PBRM1: variants seen among roughly 807,000 people sequenced by gnomAD.
The protein encoded by PBRM1 is polybromo 1.
In PBRM1, 27 loss-of-function variants were observed where a neutral mutation model predicts 194.5. The ratio of observed to expected loss-of-function variants is 0.14; its 90% CI spans 0.10 to 0.19. PBRM1 has a LOEUF of 0.19. Among genes scored for constraint, PBRM1 ranks in the 10% least tolerant of loss-of-function variants. The pLI is 1.00. For missense variants in PBRM1, 1,466 were observed against 2,077.2 expected, an observed-to-expected ratio of 0.71 and a Z score of 5.72; for synonymous variants, 655 against 693.2, an observed-to-expected ratio of 0.94 and a Z score of 0.87.
chr3:52,601,988 C>T (rs887328933), intron 17 of PBRM1, among the ~76,000 whole-genome samples: 4 of 152,206 alleles, frequency 2.6e-5, no homozygotes, highest in Non-Finnish European at 5.9e-5. Flanking sequence ...CCTGACCCCA[C>T]ATGCTGGGAA....
intron 3 of PBRM1, among the ~76,000 whole-genome samples, chr3:52,667,207 G>C (rs2096857085): frequency 6.6e-6 from 1 of 152,014 alleles, no homozygotes; most frequent in Non-Finnish European, 1.5e-5. Context: ...AAAACTTTAA[G>C]AAAAGCATAC....
intron 5 of PBRM1, among the ~76,000 whole-genome samples, chr3:52,652,152 G>A (rs915524265): frequency 6.6e-6 from 1 of 152,190 alleles, no homozygotes; most frequent in Admixed American, 6.5e-5. Context: ...GGGAGGCCGA[G>A]GCAGGTGGAT....
chr3:52,578,646 A>C (rs2090311714), intron 21 of PBRM1, among the ~76,000 whole-genome samples: 1 of 152,232 alleles, frequency 6.6e-6, no homozygotes, highest in Non-Finnish European at 1.5e-5. Flanking sequence ...ACAAGGGTGA[A>C]ACCTGACAAT....
intron 9 of PBRM1, among the ~76,000 whole-genome samples, chr3:52,642,615 A>G (rs576108554): frequency 0.11 from 15,784 of 149,540 alleles, 2,125 homozygotes; most frequent in African/African-American, 0.33. Flanking sequence ...TCTCAAAAAA[A>G]AAAAAAAAAA....
At chr3:52,606,342 GAAGAT>G (rs1483827032) in intron 16 of PBRM1, among the ~76,000 whole-genome samples, 1 of 152,086 alleles carries the variant, frequency 6.6e-6, no homozygotes, top group Non-Finnish European at 1.5e-5. Flanking sequence ...TTTTCTGAAT[GAAGAT>G]ATTTGAATTC....
intron 18 of PBRM1, 55 bp downstream of exon 20, chr3:52,589,015 A>G: frequency 7.7e-7 from 1 of 1,291,982 alleles, no homozygotes; most frequent in Non-Finnish European, 1.1e-6. Flanking sequence ...AGGAGCAAGG[A>G]GAAGTCAAAC....
intron 22 of PBRM1, among the ~76,000 whole-genome samples, chr3:52,571,855 C>CA (rs1575806576): frequency 1.3e-5 from 1 of 78,120 alleles, no homozygotes; most frequent in South Asian, 4.4e-4. Context: ...CCTCATCTCC[C>CA]CAAAAAAAAA....
intron 3 of PBRM1, 61 bp downstream of exon 4, chr3:52,668,437 A>C: frequency 1.6e-6 from 2 of 1,230,344 alleles, no homozygotes; most frequent in Non-Finnish European, 2.3e-6. Flanking sequence ...AAATATTAAG[A>C]AGCCAATTAT....
At chr3:52,570,214 T>TGA (rs1336305229) in intron 22 of PBRM1, among the ~76,000 whole-genome samples, 3 of 152,204 alleles carry the variant, frequency 2.0e-5, no homozygotes, top group African/African-American at 7.2e-5. Flanking sequence ...TGACCTCAGG[T>TGA]GATCCGCCCT....
chr3:52,663,297 G>C (rs201388751), intron 3 of PBRM1, among the ~76,000 whole-genome samples: 2 of 152,160 alleles, frequency 1.3e-5, no homozygotes, highest in Non-Finnish European at 2.9e-5. Flanking sequence ...CCAGAAGCTG[G>C]GAATCCAAAG....
chr3:52,562,061 C>A, intron 24 of PBRM1, 93 bp from the exon 27 acceptor site: 2 of 906,992 alleles, frequency 2.2e-6, no homozygotes, highest in South Asian at 2.7e-5. Flanking sequence ...GTGGCTCACA[C>A]CTGTAATCCC....
At chr3:52,640,394 C>G (rs995406750) in intron 10 of PBRM1, among the ~76,000 whole-genome samples, 15 of 151,512 alleles carry the variant, frequency 9.9e-5, no homozygotes, top group African/African-American at 3.2e-4. Flanking sequence ...TCTCAGCCTC[C>G]CAAGTAGCTG....
intron 17 of PBRM1, among the ~76,000 whole-genome samples, chr3:52,600,434 T>C (rs2093907974): frequency 6.6e-6 from 1 of 152,224 alleles, no homozygotes; most frequent in Non-Finnish European, 1.5e-5. Flanking sequence ...AATTATTTTT[T>C]CTGCTTGATA....
chr3:52,649,320 G>C (rs2096423075), intron 6 of PBRM1, among the ~76,000 whole-genome samples: 3 of 152,216 alleles, frequency 2.0e-5, no homozygotes, highest in Admixed American at 1.3e-4. Context: ...CTGGCAGCCA[G>C]GGCAAGGGGA....
exon 25 of PBRM1, chr3:52,561,813 C>T (rs2153489477): frequency 1.2e-6 from 2 of 1,614,092 alleles, no homozygotes; most frequent in Non-Finnish European, 1.7e-6. Context: ...TCCATTCTGT[C>T]CCCACCAGGC....
chr3:52,637,090 G>C (rs552137239), intron 10 of PBRM1, among the ~76,000 whole-genome samples: 1 of 152,190 alleles, frequency 6.6e-6, no homozygotes. Context: ...AGTCTTTTCT[G>C]ACTCTAATAC....
intron 4 of PBRM1, among the ~76,000 whole-genome samples, chr3:52,659,396 G>A (rs1473625741): frequency 6.6e-6 from 1 of 152,010 alleles, no homozygotes; most frequent in Admixed American, 6.6e-5. Context: ...TCCAACAGAA[G>A]CTCTTTTTAT....
intron 15 of PBRM1, 134 bp from the exon 18 acceptor site, chr3:52,610,089 T>G: frequency 1.9e-6 from 1 of 525,028 alleles, no homozygotes; most frequent in South Asian, 5.2e-5. Flanking sequence ...TAGTGAAATA[T>G]AACCTGCAGA....
intron 6 of PBRM1, among the ~76,000 whole-genome samples, chr3:52,649,045 A>G (rs2096411080): frequency 6.6e-6 from 1 of 152,220 alleles, no homozygotes. Context: ...GTACATGGAA[A>G]TGAAAAAGAC....
Sources: gnomAD v4.1 joint callset for allele counts (sites outside exome capture counted in the v4.1 genomes callset) on GRCh38, gnomAD v4.1.1 for gene constraint, MANE v1.5 for transcripts, NCBI Gene and HGNC (gene_info 2026-07-23, HGNC 2026-07-21) for gene names.